AFF2: variants seen among roughly 807,000 people sequenced by gnomAD.
AFF2 encodes the protein AF4/FMR2 family member 2.
AFF2 carries 14 observed loss-of-function variants against 76.9 expected under a neutral mutation model. The ratio of observed to expected loss-of-function variants is 0.18; its 90% CI spans 0.12 to 0.28. The LOEUF (loss-of-function observed/expected upper bound fraction) is 0.28. AFF2 is among the 10% of genes least tolerant of loss of function. The pLI is 1.00. For synonymous variants in AFF2, 398 were observed against 366.7 expected (o/e 1.09, Z -0.98); for missense variants, 868 against 1,001.1 (o/e 0.87, Z 1.79).
At chrX:148,546,521 G>A (rs1341111974) in intron 1 of AFF2, among the ~76,000 whole-genome samples, 1 of 112,336 alleles carries the variant, frequency 8.9e-6, no homozygotes, top group Non-Finnish European at 1.9e-5. Context: ...CCCCATCGTA[G>A]TAGAGGATTA....
At chrX:148,871,238 G>C (rs781912429) in intron 7 of AFF2, among the ~76,000 whole-genome samples, 28 of 111,548 alleles carry the variant, frequency 2.5e-4, no homozygotes, top group African/African-American at 8.5e-4. Flanking sequence ...AATTGGATTT[G>C]TGAGTTAACA....
intron 7 of AFF2, among the ~76,000 whole-genome samples, chrX:148,851,161 T>C (rs1447769766): frequency 4.5e-5 from 5 of 112,130 alleles, no homozygotes; most frequent in African/African-American, 1.6e-4. Context: ...AATAGTCTGC[T>C]CTTGACACCT....
At chrX:148,615,357 C>T (rs5980549) in intron 1 of AFF2, among the ~76,000 whole-genome samples, 6,072 of 111,638 alleles carry the variant, frequency 0.054, 415 homozygotes, top group African/African-American at 0.19. Flanking sequence ...TGAAAGAGAT[C>T]GAATGGAATT....
chrX:148,662,448 G>T lies in AFF2; in HGVS notation c.721G>T (p.Glu241Ter). 1 of 1,211,912 alleles carries T rather than the reference G, an allele frequency of 8.3e-7. No homozygotes were observed. The highest frequency in any genetic ancestry group is 1.1e-6 in the Non-Finnish European group (1 of 895,399). The change falls in exon 3 of 21, where the codon GAA (glutamate) becomes TAA (stop). Residue 241 changes from glutamate (E) to a stop codon, truncating the protein, a stop_gained. Transcript: ENST00000370460. LOFTEE classifies it high-confidence loss of function. ...KEIFQSNSPE[E>*]SEFAVQAPGS... ...AATCTTTCAATCCAATTCACCGGAA[G>T]AATCTGAATTCGCCGTGCAAGCGCC...
intron 4 of AFF2, among the ~76,000 whole-genome samples, chrX:148,829,486 G>A (rs781838799): frequency 8.9e-6 from 1 of 111,870 alleles, no homozygotes; most frequent in Admixed American, 9.5e-5. Context: ...TGGGCTGTTA[G>A]CTGTCTCACT....
intron 1 of AFF2, among the ~76,000 whole-genome samples, chrX:148,516,099 T>C (rs1225706585): frequency 9.0e-6 from 1 of 111,355 alleles, no homozygotes; most frequent in Non-Finnish European, 1.9e-5. Context: ...TCAGTTCACG[T>C]CAGCCCTCCC....
chrX:148,953,819 A>C (rs1030611019), intron 10 of AFF2, 80 bp downstream of exon 10: 2 of 699,307 alleles, frequency 2.9e-6, no homozygotes, highest in Middle Eastern at 6.5e-4. Flanking sequence ...ACACAGACAC[A>C]CACACACACA....
chrX:148,523,973 C>A (rs1290289443), intron 1 of AFF2, among the ~76,000 whole-genome samples: 1 of 111,207 alleles, frequency 9.0e-6, no homozygotes, highest in Non-Finnish European at 1.9e-5. Context: ...AGATGTCGGG[C>A]AGTATGATTC....
At chrX:148,724,546 T>A (rs2055132526) in intron 3 of AFF2, among the ~76,000 whole-genome samples, 1 of 112,318 alleles carries the variant, frequency 8.9e-6, no homozygotes, top group Non-Finnish European at 1.9e-5. Flanking sequence ...TTTACCTACT[T>A]TGCCCTTAAT....
chrX:148,602,953 T>G (rs1557248284), intron 1 of AFF2, among the ~76,000 whole-genome samples: 1 of 110,796 alleles, frequency 9.0e-6, no homozygotes, highest in African/African-American at 3.3e-5. Context: ...CTTTGGAAAT[T>G]CATGTAAGTT....
At chrX:148,527,202 A>T (rs186271275) in intron 1 of AFF2, among the ~76,000 whole-genome samples, 1 of 112,137 alleles carries the variant, frequency 8.9e-6, no homozygotes, top group Non-Finnish European at 1.9e-5. Context: ...GGAACACAAG[A>T]TCACTTTTGT....
chrX:148,918,436 G>GA, intron 9 of AFF2, among the ~76,000 whole-genome samples: 1 of 112,037 alleles, frequency 8.9e-6, no homozygotes, highest in East Asian at 2.8e-4. Flanking sequence ...ATTGATAGGA[G>GA]AGAGTATGAT....
chrX:148,950,953 A>G (rs1329964172), intron 9 of AFF2, among the ~76,000 whole-genome samples: 3 of 111,854 alleles, frequency 2.7e-5, no homozygotes, highest in African/African-American at 9.7e-5. Flanking sequence ...AAAGATATTT[A>G]TTTAAAACAT....
intron 8 of AFF2, among the ~76,000 whole-genome samples, chrX:148,897,243 ATATATATATATATATATATATATATATAT>A (rs1670565565): frequency 3.0e-5 from 1 of 32,821 alleles, no homozygotes; most frequent in East Asian, 1.2e-3. Flanking sequence ...ATATATATAT[ATATATATATATATATATATATATATATAT>A]GTATATGAAA....
intron 7 of AFF2, among the ~76,000 whole-genome samples, chrX:148,879,712 C>A (rs1162607586): frequency 9.1e-6 from 1 of 110,335 alleles, no homozygotes; most frequent in Non-Finnish European, 1.9e-5. Flanking sequence ...AATCTAAGTT[C>A]CATATAAATT....
chrX:148,719,294 T>A (rs1279860607), intron 3 of AFF2: 6 of 858,256 alleles, frequency 7.0e-6, no homozygotes, highest in Non-Finnish European at 9.9e-6. Context: ...AAGTAGCTTT[T>A]CTCTCTCTTT....
chrX:148,503,089 C>G (rs1486401798), intron 1 of AFF2, among the ~76,000 whole-genome samples: 1 of 112,349 alleles, frequency 8.9e-6, no homozygotes, highest in Non-Finnish European at 1.9e-5. Flanking sequence ...ATTAGTGTAA[C>G]GCATCTGCAT....
intron 2 of AFF2, among the ~76,000 whole-genome samples, chrX:148,660,300 G>A (rs1271888842): frequency 9.0e-6 from 1 of 111,212 alleles, no homozygotes. Flanking sequence ...TCTTGGTATC[G>A]TTTGCTGGTT....
At chrX:148,572,080 T>A (rs1341642468) in intron 1 of AFF2, among the ~76,000 whole-genome samples, 1 of 110,098 alleles carries the variant, frequency 9.1e-6, no homozygotes, top group Non-Finnish European at 1.9e-5. Flanking sequence ...ATAATTCAAT[T>A]AAAAATTGGC....
Sources: allele counts gnomAD v4.1 joint callset (sites outside exome capture counted in the v4.1 genomes callset), GRCh38; gene constraint gnomAD v4.1.1; transcripts MANE v1.5; gene names NCBI Gene and HGNC (gene_info 2026-07-23, HGNC 2026-07-21).